The following MROH2A variants were observed in gnomAD, a reference collection of about 807,000 sequenced individuals.
MROH2A encodes maestro heat-like repeat-containing protein family member 2A.
In MROH2A, 174 loss-of-function variants were observed where a neutral mutation model predicts 200.4. The observed-to-expected ratio is 0.87, with a 90% confidence interval of 0.77 to 0.98. The LOEUF is 0.98. MROH2A is among the 50% of genes least tolerant of loss of function. MROH2A has a pLI of 0.00. For missense variants in MROH2A, 2,045 were observed against 2,139.6 expected (o/e 0.96, Z 0.87); for synonymous variants, 829 against 840.4 (o/e 0.99, Z 0.23).
In MROH2A at chr2:233,828,206, T is replaced by C. The variant is rs1234598984; in HGVS notation, c.4114-424T>C. 1.3e-5 allele frequency among the ~76,000 whole-genome samples: 2 copies of C among 152,162 alleles called. No homozygotes were observed. ...TTGCATGCACACATGTACACACATGTACACACATGCATGCACCCACACGCA... is the reference window on the plus strand; with the variant it reads ...TTGCATGCACACATGTACACACATGCACACACATGCATGCACCCACACGCA... On this transcript the variant is annotated intron_variant, in intron 35 of 41. Transcript: ENST00000389758. The surrounding 1 kb of genome is among the most constrained non-coding windows in gnomAD (Gnocchi z 4.6).
In MROH2A at chr2:233,807,002, C is replaced by T. The variant is rs977157096; in HGVS notation, c.2053-421C>T. Among the ~76,000 whole-genome samples the T allele has an allele frequency of 6.6e-6, 1 of 152,076 alleles. No homozygotes were observed. The highest frequency in any genetic ancestry group is 2.4e-5 in the African/African-American group (1 of 41,402). ...TGTATCATTCTTATGCCTTAGCATCCTCATAGCTTAGCTCCCACTTATGAG... is the reference window on the plus strand; with the variant it reads ...TGTATCATTCTTATGCCTTAGCATCTTCATAGCTTAGCTCCCACTTATGAG... On this transcript the variant is annotated intron_variant, in intron 19 of 41. Transcript: ENST00000389758. The surrounding 1 kb of genome is among the most constrained non-coding windows in gnomAD (Gnocchi z 4.3).
intron 35 of MROH2A, among the ~76,000 whole-genome samples, chr2:233,826,920 A>C (rs1704349657): frequency 6.6e-6 from 1 of 152,234 alleles, no homozygotes; most frequent in Non-Finnish European, 1.5e-5. Flanking sequence ...AAGGACATGA[A>C]CAGACCCTTC....
At chr2:233,780,197 A>G (rs1575884925) in intron 3 of MROH2A, among the ~76,000 whole-genome samples, 2 of 152,314 alleles carry the variant, frequency 1.3e-5, no homozygotes. Context: ...TAGCTGGGTT[A>G]AGGGGCTGGG....
At chr2:233,812,069 T>C in intron 24 of MROH2A, 110 bp downstream of exon 24, 2 of 765,234 alleles carry the variant, frequency 2.6e-6, no homozygotes, top group Non-Finnish European at 4.4e-6. Flanking sequence ...CCTCCCTCTG[T>C]AGCAGGGGTC....
At chr2:233,808,861 G>C (rs2126141865) in intron 21 of MROH2A, among the ~76,000 whole-genome samples, 1 of 152,298 alleles carries the variant, frequency 6.6e-6, no homozygotes, top group East Asian at 1.9e-4. Flanking sequence ...GGTGATGGGT[G>C]GTCTGGGCGT....
At chr2:233,819,807 G>A (rs1703811592) in intron 30 of MROH2A, 95 bp from the exon 31 acceptor site, 2 of 1,353,212 alleles carry the variant, frequency 1.5e-6, no homozygotes, top group Non-Finnish European at 2.0e-6. Context: ...TGTCCAACTG[G>A]GCCAGAGCCC....
chr2:233,783,444 G>A (rs1701045903), intron 3 of MROH2A, among the ~76,000 whole-genome samples: 1 of 151,976 alleles, frequency 6.6e-6, no homozygotes, highest in East Asian at 1.9e-4. Flanking sequence ...GTTCAATCTT[G>A]GTAGTCTGTA....
At chr2:233,794,297 C>T in intron 7 of MROH2A, 66 bp from the exon 8 acceptor site, 1 of 1,193,738 alleles carries the variant, frequency 8.4e-7, no homozygotes, top group South Asian at 1.4e-5. Flanking sequence ...GTGGCTGGGG[C>T]TGAGGTCACT....
chr2:233,818,579 G>A lies in MROH2A; in HGVS notation c.3086-73G>A, dbSNP rs1703709913. On this transcript the variant is annotated intron_variant, in intron 28 of 41. Transcript: ENST00000389758. ...GCTCAGGCCTGCAAAGCCAGGGCAG[G>A]AGGTAGCCACGAAGGGGGGGTGGCT... 3.2e-6 allele frequency: 3 copies of A among 924,842 alleles called. No homozygotes were observed. The Admixed American group carries it at 6.0e-5, about 18-fold the overall frequency. The allele number at this position is 924,842 out of a possible 1,614,324, so 57.3% of individuals were successfully genotyped here. A position where few individuals can be genotyped will look rare whatever the true frequency, so the allele number is the denominator to read the frequency against.
At chr2:233,793,937 T>C in intron 7 of MROH2A, 113 bp downstream of exon 7, 1 of 1,086,568 alleles carries the variant, frequency 9.2e-7, no homozygotes, top group Non-Finnish European at 1.2e-6. Context: ...CCCAGGACCC[T>C]AGAGGGCAGT....
rs1703832588 is a variant in MROH2A at position 233,820,049 on chromosome 2, ATGGAGAGGTGGGTGCCC to A, written c.3511_3512+15del. ...ATCGCTCCTGAGGCAGCCACTGCCC[ATGGAGAGGTGGGTGCCC>A]TGGAGGAGGTGGCCCCGGCCTCCTG... On this transcript the variant is annotated splice_donor_variant and splice_donor_5th_base_variant and coding_sequence_variant and intron_variant, in exon 31 of 42. Transcript: ENST00000389758. LOFTEE classifies it high-confidence loss of function. The surrounding 1 kb of genome is among the most constrained non-coding windows in gnomAD (Gnocchi z 4.1). 6.6e-7 allele frequency: 1 copy of A among 1,522,202 alleles called. No individual in the cohort carries two copies. Among genetic ancestry groups the A allele is most frequent in the Non-Finnish European group, 8.9e-7 (1 of 1,128,772 alleles). The allele number at this position is 1,522,202 out of a possible 1,614,324, so 94.3% of individuals were successfully genotyped here. A position where few individuals can be genotyped will look rare whatever the true frequency, so the allele number is the denominator to read the frequency against.
At chr2:233,816,942 C>A in intron 27 of MROH2A, 57 bp downstream of exon 27, 3 of 1,067,316 alleles carry the variant, frequency 2.8e-6, no homozygotes, top group South Asian at 2.9e-5. Context: ...CAGAAAAATT[C>A]CTGTGTCTAT....
chr2:233,831,264 T>A (rs1704728566), intron 38 of MROH2A, 145 bp from the exon 39 acceptor site: 17 of 997,462 alleles, frequency 1.7e-5, no homozygotes, highest in Non-Finnish European at 2.4e-5. Flanking sequence ...AGGTCCCAGG[T>A]GGCCTCCCAG....
chr2:233,793,807 A>G lies in MROH2A; in HGVS notation c.805A>G (p.Arg269Gly). Residue 269 changes from arginine to glycine, a missense_variant, in exon 7 of 42, where the codon AGG (arginine) becomes GGG (glycine). Arg to Gly is a moderately radical substitution (Grantham distance 125, BLOSUM62 -2). This residue lies in a region of MROH2A where 831 missense variants were observed against 800.0 expected (regional missense o/e 1.04). Transcript: ENST00000389758. Reference sequence around the variant, plus strand: ...TCGCTACTTCGTGACAGTGTGGCTGAGGCACTACAACCCCGAGGTGAGATG... The same window carrying G: ...TCGCTACTTCGTGACAGTGTGGCTGGGGCACTACAACCCCGAGGTGAGATG... ...MYRYFVTVWL[R>G]HYNPEVKLGV... 1 of 1,453,606 alleles carries G rather than the reference A, an allele frequency of 6.9e-7. No individual in the cohort carries two copies. The allele number at this position is 1,453,606 out of a possible 1,614,324, so 90.0% of individuals were successfully genotyped here. A position where few individuals can be genotyped will look rare whatever the true frequency, so the allele number is the denominator to read the frequency against.
In MROH2A at chr2:233,789,635, C is replaced by A; in HGVS notation, c.408+7C>A. The A allele has an allele frequency of 6.9e-7, 1 of 1,453,782 alleles. No individual in the cohort carries two copies. Among genetic ancestry groups the A allele is most frequent in the Non-Finnish European group, 9.1e-7 (1 of 1,100,230 alleles). The allele number at this position is 1,453,782 out of a possible 1,614,324, so 90.1% of individuals were successfully genotyped here. On this transcript the variant is annotated splice_region_variant and intron_variant, in intron 4 of 41. Coordinates refer to ENST00000389758, the MANE Select transcript of MROH2A (RefSeq NM_001394639.1). ...GATGAGGGAGATCCCAGAGGTAGGA[C>A]CCCAAGCTCCATCGGTGCCTTCCCT...
chr2:233,780,603 T>G (rs62191948), intron 3 of MROH2A, among the ~76,000 whole-genome samples: 8 of 152,216 alleles, frequency 5.3e-5, no homozygotes, highest in Non-Finnish European at 1.2e-4. Context: ...TATTTTTAGT[T>G]GACACATAAC....
intron 14 of MROH2A, among the ~76,000 whole-genome samples, chr2:233,801,273 A>G (rs1385030269): frequency 7.0e-6 from 1 of 143,288 alleles, no homozygotes; most frequent in Non-Finnish European, 1.5e-5. Flanking sequence ...AAGCCATTGC[A>G]CTTGATGGTT....
At position 233,822,971 on chromosome 2, in the gene MROH2A, C is replaced by T. The variant is rs1704049396; in HGVS notation, c.3957C>T (p.Leu1319=). 2 of 1,550,574 alleles carry T rather than the reference C, an allele frequency of 1.3e-6. No homozygotes were observed. The highest frequency in any genetic ancestry group is 8.7e-7 in the Non-Finnish European group (1 of 1,146,986). The change falls in exon 34 of 42, where the codon CTC becomes CTT. Residue 1319 remains leucine (L), a synonymous_variant. Coordinates refer to ENST00000389758, the MANE Select transcript of MROH2A (RefSeq NM_001394639.1). ...TGGACGAGCAGGCAGTGTGGGACCT[C>T]CTGCAGGACGGCGGGACATTCCTGG... is the stretch of plus-strand genomic sequence containing the variant. ...HTLDEQAVWD[L]LQDGGTFLEG...
Position 233,828,720 on chromosome 2 carries a change from G to A in MROH2A, c.4204G>A (p.Ala1402Thr), listed in dbSNP as rs1704495560. Reference protein sequence around the residue: ...EKGADQEEDEALRVLSLRALG... With the variant: ...EKGADQEEDETLRVLSLRALG... Reference sequence around the variant, plus strand: ...GGGTGCCGACCAGGAGGAAGACGAGGCCCTGCGGGTGCTGTCCCTGCGCGC... The same window carrying A: ...GGGTGCCGACCAGGAGGAAGACGAGACCCTGCGGGTGCTGTCCCTGCGCGC... Residue 1402 changes from alanine to threonine, a missense_variant, in exon 36 of 42, where the codon GCC (alanine) becomes ACC (threonine). Ala to Thr is a moderately conservative substitution (Grantham distance 58). Transcript: ENST00000389758. This position sits in a 1 kb window ranked among gnomAD's most constrained non-coding sequence, Gnocchi z 4.6. 6.4e-7 allele frequency: 1 copy of A among 1,550,702 alleles called. No homozygotes were observed. Among genetic ancestry groups the A allele is most frequent in the Non-Finnish European group, 8.7e-7 (1 of 1,147,010 alleles).
Sources: gnomAD v4.1 joint callset for allele counts (sites outside exome capture counted in the v4.1 genomes callset) on GRCh38, gnomAD v4.1.1 for gene constraint, gnomAD v4.1.1 regional missense constraint, Gnocchi (gnomAD v3.1) non-coding constraint, MANE v1.5 for transcripts, NCBI Gene and HGNC (gene_info 2026-07-23, HGNC 2026-07-21) for gene names.